Variants in DNAH14 observed in about 807,000 individuals in gnomAD.
The protein encoded by DNAH14 is dynein axonemal heavy chain 14.
Under a neutral mutation model 520.9 loss-of-function variants are expected in DNAH14, and 478 were observed. The ratio of observed to expected loss-of-function variants is 0.92; its 90% CI spans 0.85 to 0.99. The LOEUF (loss-of-function observed/expected upper bound fraction) is 0.99. Among genes scored for constraint, DNAH14 ranks in the 50% least tolerant of loss-of-function variants. DNAH14 has a pLI of 0.00. For synonymous variants in DNAH14, 1,581 were observed against 1,757.2 expected, an observed-to-expected ratio of 0.90 and a Z score of 2.51; for missense variants, 4,831 against 5,234.5, an observed-to-expected ratio of 0.92 and a Z score of 2.38.
chr1:225,338,288 G>A (rs556513556), intron 68 of DNAH14, 106 bp downstream of exon 68: 23 of 1,332,792 alleles, frequency 1.7e-5, no homozygotes, highest in East Asian at 2.5e-5. Context: ...GGAGGAAAAA[G>A]TAAGATTGTC....
chr1:224,976,424 T>C (rs896286896), intron 8 of DNAH14, among the ~76,000 whole-genome samples: 3 of 152,138 alleles, frequency 2.0e-5, no homozygotes, highest in African/African-American at 7.2e-5. Flanking sequence ...GACATAGGCT[T>C]GGGCAAGGAC....
chr1:225,098,848 T>C (rs1358332366), intron 22 of DNAH14, among the ~76,000 whole-genome samples: 2 of 152,168 alleles, frequency 1.3e-5, no homozygotes, highest in African/African-American at 4.8e-5. Context: ...TTTCTGAAGT[T>C]GAAAAAGATG....
At chr1:225,046,768 G>T (rs550569727) in intron 15 of DNAH14, among the ~76,000 whole-genome samples, 38 of 152,084 alleles carry the variant, frequency 2.5e-4, no homozygotes, top group African/African-American at 8.7e-4. Context: ...AATTTCCTGG[G>T]TTCATTGATA....
At position 225,050,213 on chromosome 1, in the gene DNAH14, C is replaced by A; in HGVS notation, c.1916C>A (p.Thr639Lys). 6.5e-7 allele frequency: 1 copy of A among 1,533,120 alleles called. No homozygotes were observed. Among genetic ancestry groups the A allele is most frequent in the Non-Finnish European group, 8.8e-7 (1 of 1,142,412 alleles). 95.0% of individuals were successfully genotyped at this position (1,533,120 alleles called of 1,614,324 possible). A position where few individuals can be genotyped will look rare whatever the true frequency, so the allele number is the denominator to read the frequency against. The change falls in exon 16 of 86, where the codon ACA becomes AAA. Residue 639 changes from threonine to lysine, a missense_variant. Physicochemically the swap from Thr to Lys is moderately conservative, Grantham distance 78. Transcript: ENST00000682510. Reference protein sequence around the residue: ...MLTNMEKCITTITPLCQDPQL... With the variant: ...MLTNMEKCITKITPLCQDPQL... ...ACTTTTAAATTATATATTTTAGCCA[C>A]AATTACTCCTCTTTGCCAAGATCCC...
chr1:225,206,450 G>T (rs975915820), intron 40 of DNAH14, among the ~76,000 whole-genome samples: 74 of 152,222 alleles, frequency 4.9e-4, no homozygotes, highest in African/African-American at 1.8e-3. Flanking sequence ...TTAGACTGCT[G>T]ATGTGAATTA....
At chr1:225,155,381 G>T (rs1484014677) in intron 34 of DNAH14, among the ~76,000 whole-genome samples, 2 of 152,084 alleles carry the variant, frequency 1.3e-5, no homozygotes, top group South Asian at 4.1e-4. Context: ...AAGGATAGGG[G>T]ATAAAGCTAT....
intron 41 of DNAH14, among the ~76,000 whole-genome samples, chr1:225,230,077 C>G (rs188738570): frequency 6.6e-6 from 1 of 152,094 alleles, no homozygotes; most frequent in Non-Finnish European, 1.5e-5. Flanking sequence ...TATCCATATA[C>G]TCTGGTCTAC....
intron 49 of DNAH14, among the ~76,000 whole-genome samples, chr1:225,268,189 A>G (rs1468862988): frequency 2.6e-5 from 4 of 152,154 alleles, no homozygotes. Context: ...TAAATCAATA[A>G]ACGTAATCCA....
chr1:225,185,236 G>C, intron 36 of DNAH14, 55 bp from the exon 37 acceptor site: 1 of 1,503,622 alleles, frequency 6.7e-7, no homozygotes, highest in Non-Finnish European at 8.9e-7. Flanking sequence ...GAGATATATT[G>C]GTTAATAAAC....
At chr1:225,317,029 AT>A (rs1187924770) in intron 60 of DNAH14, among the ~76,000 whole-genome samples, 1 of 152,184 alleles carries the variant, frequency 6.6e-6, no homozygotes, top group Non-Finnish European at 1.5e-5. Flanking sequence ...CTGCTATTAC[AT>A]TTGGTATAAG....
intron 8 of DNAH14, among the ~76,000 whole-genome samples, chr1:224,979,089 C>T (rs997710216): frequency 4.6e-5 from 7 of 152,116 alleles, no homozygotes; most frequent in Admixed American, 3.3e-4. Context: ...GGCAAGATGG[C>T]AGAATAGAAT....
At chr1:224,940,754 G>C (rs1434789173) in intron 1 of DNAH14, among the ~76,000 whole-genome samples, 1 of 142,112 alleles carries the variant, frequency 7.0e-6, no homozygotes, top group Non-Finnish European at 1.5e-5. Context: ...TCTCACCTAT[G>C]AGTGAGAACA....
At chr1:224,965,154 G>A (rs2061084065) in intron 5 of DNAH14, among the ~76,000 whole-genome samples, 1 of 152,062 alleles carries the variant, frequency 6.6e-6, no homozygotes, top group African/African-American at 2.4e-5. Flanking sequence ...ACTAAGGTGT[G>A]TGTCCTGAGA....
At chr1:225,296,385 A>AT (rs2094006614) in intron 55 of DNAH14, among the ~76,000 whole-genome samples, 1 of 152,178 alleles carries the variant, frequency 6.6e-6, no homozygotes, top group African/African-American at 2.4e-5. Flanking sequence ...AAAATGGGGA[A>AT]TTTAATCCAT....
chr1:225,141,131 G>C (rs943796157), intron 28 of DNAH14, 110 bp downstream of exon 28: 1 of 1,106,842 alleles, frequency 9.0e-7, no homozygotes, highest in Non-Finnish European at 1.2e-6. Context: ...AATTTTGGGG[G>C]CTTTACCAAA....
At chr1:225,138,772 C>T (rs1002867554) in intron 27 of DNAH14, among the ~76,000 whole-genome samples, 14 of 152,112 alleles carry the variant, frequency 9.2e-5, no homozygotes, top group Non-Finnish European at 1.6e-4. Context: ...TGCTATTCCC[C>T]GCTAAGCTGT....
chr1:225,104,605 T>C (rs1336443136), intron 23 of DNAH14, among the ~76,000 whole-genome samples: 6 of 152,172 alleles, frequency 3.9e-5, no homozygotes, highest in African/African-American at 1.4e-4. Flanking sequence ...CTTCCTGGTT[T>C]AGTCTTGGGA....
chr1:225,199,979 G>A (rs2086613830), intron 38 of DNAH14, among the ~76,000 whole-genome samples: 1 of 152,052 alleles, frequency 6.6e-6, no homozygotes, highest in Non-Finnish European at 1.5e-5. Context: ...CATTTCTTAG[G>A]TCTATTTGTA....
At chr1:225,319,708 A>G (rs1020925802) in intron 61 of DNAH14, among the ~76,000 whole-genome samples, 1 of 152,156 alleles carries the variant, frequency 6.6e-6, no homozygotes, top group Non-Finnish European at 1.5e-5. Context: ...AGCACACATT[A>G]AGTGCCAGGC....
Sources: gnomAD v4.1 joint callset for allele counts (sites outside exome capture counted in the v4.1 genomes callset) on GRCh38, gnomAD v4.1.1 for gene constraint, MANE v1.5 for transcripts, NCBI Gene and HGNC (gene_info 2026-07-23, HGNC 2026-07-21) for gene names.